Variants in HS6ST2 observed in about 807,000 individuals in gnomAD.
HS6ST2 encodes heparan-sulfate 6-O-sulfotransferase 2.
Under a neutral mutation model 33.0 loss-of-function variants are expected in HS6ST2, and 17 were observed. The observed-to-expected ratio is 0.52, with a 90% CI of 0.35 to 0.77. The LOEUF is 0.77. HS6ST2 is among the 30% of genes least tolerant of loss of function. The probability of loss-of-function intolerance (pLI) is 0.01; values close to 1 mark genes in which losing one functional copy is unlikely to be tolerated. For synonymous variants in HS6ST2, 248 were observed against 237.1 expected (o/e 1.05, Z -0.42); for missense variants, 519 against 551.7 (o/e 0.94, Z 0.59).
intron 2 of HS6ST2, among the ~76,000 whole-genome samples, chrX:132,865,540 G>A (rs2065965645): frequency 9.1e-6 from 1 of 110,481 alleles, no homozygotes; most frequent in Non-Finnish European, 1.9e-5. Flanking sequence ...CTAGATCCCT[G>A]AGGAATCACC....
intron 2 of HS6ST2, among the ~76,000 whole-genome samples, chrX:132,711,617 T>C (rs185360832): frequency 9.0e-6 from 1 of 111,579 alleles, no homozygotes; most frequent in East Asian, 2.8e-4. Context: ...TCCCTAGTCA[T>C]TTTCTCAGTA....
chrX:132,722,086 G>A, intron 2 of HS6ST2, among the ~76,000 whole-genome samples: 1 of 107,834 alleles, frequency 9.3e-6, no homozygotes, highest in East Asian at 2.9e-4. Context: ...TACTTGGGAG[G>A]CTGAGGCAGG....
chrX:132,781,588 C>T (rs5977750), intron 2 of HS6ST2, among the ~76,000 whole-genome samples: 14,946 of 110,864 alleles, frequency 0.13, 871 homozygotes, highest in East Asian at 0.29. Context: ...AAGAACTGCC[C>T]GAGACTGGGC....
At chrX:132,716,290 C>T (rs1012948091) in intron 2 of HS6ST2, among the ~76,000 whole-genome samples, 1 of 112,125 alleles carries the variant, frequency 8.9e-6, no homozygotes, top group Non-Finnish European at 1.9e-5. Flanking sequence ...ATAACTTGTC[C>T]TTGGCTATGG....
rs764275017 is a variant in HS6ST2, at chrX:132,840,411, C to T, written c.947+116397G>A. ...TCCTCCCCACTCTCCCTTTCTCTTT[C>T]CCTTTGTCACTCCCTCCTCCTCCTC... On this transcript the variant is annotated intron_variant, in intron 2 of 4. Coordinates refer to ENST00000370833, the MANE Select transcript of HS6ST2 (RefSeq NM_001394073.1). Among the ~76,000 whole-genome samples the T allele has an allele frequency of 3.6e-5, 4 of 110,081 alleles. No homozygotes were observed. The South Asian group carries it at 1.6e-3, about 44-fold the overall frequency.
chrX:132,880,956 T>C (rs866763010), intron 2 of HS6ST2, among the ~76,000 whole-genome samples: 7 of 110,171 alleles, frequency 6.4e-5, no homozygotes, highest in Non-Finnish European at 1.1e-4. Context: ...GGACATGCAC[T>C]CATCATTTTT....
At position 132,958,355 on chromosome X, in the gene HS6ST2, C is replaced by T. The variant is rs1193840188; in HGVS notation, c.248G>A (p.Cys83Tyr). The change falls in exon 1 of 5, where the codon TGC becomes TAC. Residue 83 changes from cysteine (C) to tyrosine (Y), a missense_variant. Cys to Tyr is a radical substitution (Grantham distance 194). Transcript: ENST00000370833. ...KASSSLAGAA[C>Y]APLFALLSRG... ...GGACAGCAGCGCGAAAAGCGGGGCG[C>T]ACGCGGCTCCCGCCAGGGAAGAAGA... 3.3e-6 allele frequency: 4 copies of T among 1,197,663 alleles called. No homozygotes were observed. The African/African-American group carries it at 5.2e-5, about 16-fold the overall frequency.
chrX:132,703,157 G>A (rs1261783615), intron 3 of HS6ST2, among the ~76,000 whole-genome samples: 2 of 112,302 alleles, frequency 1.8e-5, no homozygotes, highest in Non-Finnish European at 3.8e-5. Context: ...TAGCATAGTG[G>A]AACAGAGGGT....
intron 2 of HS6ST2, among the ~76,000 whole-genome samples, chrX:132,784,156 C>T (rs1446420640): frequency 2.7e-5 from 3 of 111,537 alleles, no homozygotes; most frequent in Non-Finnish European, 3.8e-5. Flanking sequence ...CCAAATTCAA[C>T]AAGACACTCT....
intron 2 of HS6ST2, among the ~76,000 whole-genome samples, chrX:132,943,384 G>C (rs1316293881): frequency 3.6e-5 from 4 of 111,516 alleles, no homozygotes; most frequent in Non-Finnish European, 7.5e-5. Flanking sequence ...GTCCAGTTCT[G>C]TTTTCTCATC....
chrX:132,868,800 T>C (rs2066022114), intron 2 of HS6ST2, among the ~76,000 whole-genome samples: 1 of 111,686 alleles, frequency 9.0e-6, no homozygotes, highest in Non-Finnish European at 1.9e-5. Context: ...AGGAAATTTA[T>C]AGCACTAAAT....
chrX:132,634,266 T>C (rs2063538495), intron 4 of HS6ST2, among the ~76,000 whole-genome samples: 1 of 112,100 alleles, frequency 8.9e-6, no homozygotes, highest in Non-Finnish European at 1.9e-5. Context: ...GCTGGAAATC[T>C]TTCTTCAGGT....
At chrX:132,845,310 T>A (rs1039603513) in intron 2 of HS6ST2, among the ~76,000 whole-genome samples, 1 of 110,297 alleles carries the variant, frequency 9.1e-6, no homozygotes, top group African/African-American at 3.3e-5. Flanking sequence ...GTTGCATGTG[T>A]GTATATATAA....
intron 2 of HS6ST2, among the ~76,000 whole-genome samples, chrX:132,805,320 G>A (rs1450329443): frequency 8.9e-6 from 1 of 111,747 alleles, no homozygotes; most frequent in Non-Finnish European, 1.9e-5. Flanking sequence ...CTTAAGACCA[G>A]TCCCTTAAGT....
chrX:132,675,386 A>G (rs752651405), intron 3 of HS6ST2, among the ~76,000 whole-genome samples: 1 of 111,961 alleles, frequency 8.9e-6, no homozygotes, highest in South Asian at 3.8e-4. Flanking sequence ...AGGATTTACA[A>G]CTGCGTTACA....
At chrX:132,829,199 T>TATATATATATATATATACACAC (rs55664940) in intron 2 of HS6ST2, among the ~76,000 whole-genome samples, 29 of 73,283 alleles carry the variant, frequency 4.0e-4, no homozygotes, top group Middle Eastern at 8.5e-3. Context: ...TATATATATA[T>TATATATATATATATATACACAC]ACATACTTAT....
intron 2 of HS6ST2, among the ~76,000 whole-genome samples, chrX:132,736,057 C>T (rs769866402): frequency 9.1e-6 from 1 of 110,472 alleles, no homozygotes; most frequent in Non-Finnish European, 1.9e-5. Context: ...GTTGTCCAGG[C>T]TGGTCTCGAA....
At chrX:132,699,677 G>A (rs1237439558) in intron 3 of HS6ST2, among the ~76,000 whole-genome samples, 1 of 111,819 alleles carries the variant, frequency 8.9e-6, no homozygotes, top group African/African-American at 3.2e-5. Flanking sequence ...GAATATCACA[G>A]TGACCACTTT....
chrX:132,876,731 C>T (rs1398713514), intron 2 of HS6ST2, among the ~76,000 whole-genome samples: 1 of 110,877 alleles, frequency 9.0e-6, no homozygotes, highest in African/African-American at 3.3e-5. Context: ...GGTTCCAGCC[C>T]ACCAGCAGGG....
Sources: allele counts gnomAD v4.1 joint callset (sites outside exome capture counted in the v4.1 genomes callset), GRCh38; gene constraint gnomAD v4.1.1; transcripts MANE v1.5; gene names NCBI Gene and HGNC (gene_info 2026-07-23, HGNC 2026-07-21).